The following RB1 variants were observed in gnomAD, a reference collection of about 807,000 sequenced individuals.
The protein encoded by RB1 is RB transcriptional corepressor 1.
Under a neutral mutation model 135.4 loss-of-function variants are expected in RB1, and 18 were observed. The observed-to-expected ratio is 0.13, with a 90% CI of 0.09 to 0.20. The LOEUF is 0.20. Ranked by LOEUF, RB1 falls within the 10% of genes least tolerant of loss-of-function variation. The pLI, the probability that RB1 is intolerant of heterozygous loss-of-function variation, is 1.00. For missense variants in RB1, 868 were observed against 1,110.0 expected, an observed-to-expected ratio of 0.78 and a Z score of 3.10; for synonymous variants, 365 against 373.2, an observed-to-expected ratio of 0.98 and a Z score of 0.25.
intron 2 of RB1, among the ~76,000 whole-genome samples, chr13:48,315,401 T>A (rs1952173156): frequency 6.6e-6 from 1 of 152,212 alleles, no homozygotes; most frequent in African/African-American, 2.4e-5. Flanking sequence ...AAACTTTGCT[T>A]ATCAGCTGAA....
chr13:48,378,514 T>TATG (rs750337532), intron 13 of RB1, among the ~76,000 whole-genome samples: 1 of 152,030 alleles, frequency 6.6e-6, no homozygotes, highest in Non-Finnish European at 1.5e-5. Flanking sequence ...TGTCAACTCC[T>TATG]ATGATGATGA....
At chr13:48,396,062 C>G (rs1948645570) in intron 17 of RB1, among the ~76,000 whole-genome samples, 1 of 152,124 alleles carries the variant, frequency 6.6e-6, no homozygotes, top group Non-Finnish European at 1.5e-5. Context: ...GTGAAAATGG[C>G]CATACTGCCC....
chr13:48,456,960 C>T (rs921574391), intron 19 of RB1, among the ~76,000 whole-genome samples: 1 of 152,192 alleles, frequency 6.6e-6, no homozygotes, highest in South Asian at 2.1e-4. Context: ...CTGGGCTCCC[C>T]GAAGGGCCGC....
Position 48,457,172 on chromosome 13 carries a change from C to T in RB1, c.1960+823C>T, listed in dbSNP as rs1351443097. The stretch of plus-strand genomic sequence containing the variant: ...GAGCAATAGAACAGCTTAGAGAAGA[C>T]CCATAGTGGGCAGCTCCTCTCTGTA... On this transcript the variant is annotated intron_variant, in intron 19 of 26. Transcript: ENST00000267163. Among the ~76,000 whole-genome samples the T allele has an allele frequency of 2.0e-5, 3 of 152,158 alleles. No individual in the cohort carries two copies. In the East Asian group the frequency reaches 5.8e-4, roughly 29 times the overall value.
chr13:48,363,537 C>T (rs981100447), intron 8 of RB1, among the ~76,000 whole-genome samples: 4 of 152,028 alleles, frequency 2.6e-5, no homozygotes, highest in Non-Finnish European at 4.4e-5. Flanking sequence ...AGCCCGGGCG[C>T]CAGAGTGAGA....
intron 2 of RB1, among the ~76,000 whole-genome samples, chr13:48,337,550 C>T (rs1296170729): frequency 6.6e-6 from 1 of 152,130 alleles, no homozygotes; most frequent in Admixed American, 6.5e-5. Flanking sequence ...TCCTCCATTC[C>T]TTTATTTTGA....
chr13:48,331,997 G>A (rs1416078425), intron 2 of RB1, among the ~76,000 whole-genome samples: 1 of 152,116 alleles, frequency 6.6e-6, no homozygotes, highest in African/African-American at 2.4e-5. Context: ...ATCGCAAATT[G>A]AACCATTGTA....
In RB1 at chr13:48,459,809, C is replaced by T. The variant is rs762033186; in HGVS notation, c.2082C>T (p.Leu694=). 6.2e-7 allele frequency: 1 copy of T among 1,613,890 alleles called. No individual in the cohort carries two copies. Among genetic ancestry groups the T allele is most frequent in the Non-Finnish European group, 8.5e-7 (1 of 1,179,876 alleles). ...ACACCCTGCAGAATGAGTATGAACTCATGAGAGACAGGCATTTGGACCAAG... is the reference window on the plus strand; with the variant it reads ...ACACCCTGCAGAATGAGTATGAACTTATGAGAGACAGGCATTTGGACCAAG... The part of the protein sequence containing the change: ...FQHTLQNEYE[L]MRDRHLDQIM... The change falls in exon 20 of 27, where the codon CTC becomes CTT. Residue 694 remains leucine, a synonymous_variant. Transcript: ENST00000267163.
chr13:48,412,735 G>A, intron 17 of RB1: 1 of 378,368 alleles, frequency 2.6e-6, no homozygotes, highest in Non-Finnish European at 5.1e-6. Flanking sequence ...CCAACCCATA[G>A]GATTATAAAT....
chr13:48,316,724 C>A (rs1383562510), intron 2 of RB1: 1 of 450 alleles, frequency 2.2e-3, no homozygotes, highest in East Asian at 0.042. Context: ...AACCATCACA[C>A]ACACACACAC....
intron 13 of RB1, 40 bp from the exon 14 acceptor site, chr13:48,379,554 A>G: frequency 6.3e-7 from 1 of 1,589,182 alleles, no homozygotes; most frequent in Non-Finnish European, 8.5e-7. Context: ...GTGATTTTCT[A>G]AAATAGCAGG....
intron 17 of RB1, among the ~76,000 whole-genome samples, chr13:48,430,551 C>A (rs569984791): frequency 1.2e-4 from 18 of 152,188 alleles, no homozygotes; most frequent in African/African-American, 4.3e-4. Context: ...ACCAGCCTAG[C>A]TAACGTGGTG....
chr13:48,448,983 AC>A (rs1456321691), intron 17 of RB1, among the ~76,000 whole-genome samples: 3 of 152,188 alleles, frequency 2.0e-5, no homozygotes, highest in Non-Finnish European at 4.4e-5. Context: ...CTTTTTTAAA[AC>A]TTGTTCTTCA....
chr13:48,383,223 G>A (rs1050382548), intron 17 of RB1, among the ~76,000 whole-genome samples: 10 of 152,032 alleles, frequency 6.6e-5, no homozygotes, highest in African/African-American at 2.4e-4. Flanking sequence ...GTATAAAAAT[G>A]TATACTATTG....
intron 17 of RB1, among the ~76,000 whole-genome samples, chr13:48,395,928 C>T (rs567620892): frequency 3.9e-5 from 6 of 152,154 alleles, no homozygotes; most frequent in African/African-American, 7.2e-5. Context: ...GACATATAAT[C>T]GTCAGATTCA....
Position 48,335,601 on chromosome 13 carries a change from C to CT in RB1, c.265-6987dup, listed in dbSNP as rs946178834. On this transcript the variant is annotated intron_variant, in intron 2 of 26. Transcript: ENST00000267163. The stretch of plus-strand genomic sequence containing the variant: ...TTGAAAATATGTTTGTTGAAAGTAC[C>CT]TTTTTTTTTTTGCAAAGTGCTTGTT... Among the ~76,000 whole-genome samples, 540 of 143,116 alleles carry CT rather than the reference C, an allele frequency of 3.8e-3. 3 individuals carry two copies. Among genetic ancestry groups the CT allele is most frequent in the African/African-American group, 0.011 (449 of 39,310 alleles). The allele number at this position is 143,116 out of a possible 152,430, so 93.9% of individuals were successfully genotyped here. A position where few individuals can be genotyped will look rare whatever the true frequency, so the allele number is the denominator to read the frequency against.
intron 9 of RB1, among the ~76,000 whole-genome samples, chr13:48,365,743 G>A (rs960715381): frequency 6.6e-6 from 1 of 152,088 alleles, no homozygotes; most frequent in Admixed American, 6.6e-5. Context: ...AATATTTTTT[G>A]AATGCTTAAT....
At chr13:48,364,808 C>G in intron 8 of RB1, 86 bp from the exon 9 acceptor site, 1 of 1,451,084 alleles carries the variant, frequency 6.9e-7, no homozygotes, top group Non-Finnish European at 9.2e-7. Context: ...ATTGACACCT[C>G]TAACTTACCC....
At chr13:48,334,241 T>G (rs953777083) in intron 2 of RB1, among the ~76,000 whole-genome samples, 2 of 152,220 alleles carry the variant, frequency 1.3e-5, no homozygotes, top group East Asian at 3.8e-4. Context: ...AGGTCAGTTT[T>G]TACATTCCTC....
Sources: allele counts gnomAD v4.1 joint callset (sites outside exome capture counted in the v4.1 genomes callset), GRCh38; gene constraint gnomAD v4.1.1; transcripts MANE v1.5; gene names NCBI Gene and HGNC (gene_info 2026-07-23, HGNC 2026-07-21).